Variants in ANKRD44 observed in about 807,000 individuals in gnomAD.
The protein encoded by ANKRD44 is serine/threonine-protein phosphatase 6 regulatory ankyrin repeat subunit B.
Under a neutral mutation model 116.0 loss-of-function variants are expected in ANKRD44, and 35 were observed. That is an observed-to-expected ratio of 0.30 (90% CI 0.23 to 0.40). ANKRD44 has a LOEUF of 0.40. Among genes scored for constraint, ANKRD44 ranks in the 10% least tolerant of loss-of-function variants. The pLI is 1.00. For missense variants in ANKRD44, 1,014 were observed against 1,242.6 expected, an observed-to-expected ratio of 0.82 and a Z score of 2.77; for synonymous variants, 435 against 461.8, an observed-to-expected ratio of 0.94 and a Z score of 0.74.
Position 196,995,415 on chromosome 2 carries a change from T to C in ANKRD44, c.2795A>G (p.Glu932Gly). ...ALLILDKIQD[E>G]SLINEKNNAL... is the part of the protein sequence containing the mutation. The stretch of plus-strand genomic sequence containing the variant: ...ATTATTTTTTTCATTAATAAGGCTC[T>C]CGTCTTGTATCTTGTCAAGTATTAA... The change falls in exon 26 of 28, where the codon GAG (glutamate) becomes GGG (glycine). Residue 932 changes from glutamate to glycine, a missense_variant. Glu to Gly is a moderately conservative substitution (Grantham distance 98). Coordinates refer to ENST00000282272, the MANE Select transcript of ANKRD44 (RefSeq NM_001195144.2). 2 of 1,612,736 alleles carry C rather than the reference T, an allele frequency of 1.2e-6. No individual in the cohort carries two copies. The highest frequency in any genetic ancestry group is 1.7e-6 in the Non-Finnish European group (2 of 1,179,410).
intron 1 of ANKRD44, among the ~76,000 whole-genome samples, chr2:197,297,020 T>C (rs1031172620): frequency 9.8e-5 from 15 of 152,364 alleles, no homozygotes; most frequent in African/African-American, 3.6e-4. Flanking sequence ...AGACACAGTT[T>C]TATATTTCTG....
At chr2:197,034,050 T>TAGAGAGAGAGGG (rs2076759825) in intron 16 of ANKRD44, among the ~76,000 whole-genome samples, 1 of 110,578 alleles carries the variant, frequency 9.0e-6, no homozygotes, top group Admixed American at 1.0e-4. Flanking sequence ...ATATGAGGGC[T>TAGAGAGAGAGGG]AGAGAGAGAG....
chr2:197,250,507 G>T (rs2105655486), intron 1 of ANKRD44, among the ~76,000 whole-genome samples: 1 of 152,348 alleles, frequency 6.6e-6, no homozygotes, highest in Non-Finnish European at 1.5e-5. Context: ...GCAGCTGAAT[G>T]CCTGAATAAA....
chr2:197,037,857 G>A (rs1559010759), intron 16 of ANKRD44, among the ~76,000 whole-genome samples: 1 of 152,092 alleles, frequency 6.6e-6, no homozygotes, highest in African/African-American at 2.4e-5. Context: ...TGGGAGGGTC[G>A]CTTGAGCCCA....
chr2:197,112,660 A>G (rs1298257134), intron 8 of ANKRD44, among the ~76,000 whole-genome samples: 1 of 150,428 alleles, frequency 6.6e-6, no homozygotes, highest in African/African-American at 2.4e-5. Flanking sequence ...GTGAGCCGAA[A>G]TCGTGCCACT....
intron 16 of ANKRD44, among the ~76,000 whole-genome samples, chr2:197,047,874 C>T (rs2077031867): frequency 6.6e-6 from 1 of 151,224 alleles, no homozygotes; most frequent in Non-Finnish European, 1.5e-5. Context: ...TGTGCCATTG[C>T]ACTCTAGCCT....
At chr2:197,147,402 CAGT>C (rs1353714121) in intron 2 of ANKRD44, among the ~76,000 whole-genome samples, 1 of 143,084 alleles carries the variant, frequency 7.0e-6, no homozygotes, top group Non-Finnish European at 1.5e-5. Context: ...TTTCAACTTA[CAGT>C]ATTTCCAAAC....
chr2:197,189,290 T>C (rs1430672210), intron 1 of ANKRD44, among the ~76,000 whole-genome samples: 1 of 152,226 alleles, frequency 6.6e-6, no homozygotes, highest in Admixed American at 6.5e-5. Flanking sequence ...CATATATCTC[T>C]TTTTCTTTCT....
intron 3 of ANKRD44, among the ~76,000 whole-genome samples, chr2:197,138,440 A>T (rs1403599759): frequency 8.4e-6 from 1 of 119,366 alleles, no homozygotes; most frequent in Non-Finnish European, 2.0e-5. Context: ...AGATGTGATT[A>T]AGAACAGCAA....
intron 1 of ANKRD44, among the ~76,000 whole-genome samples, chr2:197,236,713 C>CAA (rs71012964): frequency 0.14 from 14,870 of 104,972 alleles, 945 homozygotes; most frequent in Non-Finnish European, 0.18. Flanking sequence ...ACAAACTACT[C>CAA]AAAAAAAAAA....
chr2:196,997,637 CAG>C (rs1429713344), intron 25 of ANKRD44, among the ~76,000 whole-genome samples: 1 of 151,750 alleles, frequency 6.6e-6, no homozygotes, highest in Non-Finnish European at 1.5e-5. Flanking sequence ...TTAGTAGAGA[CAG>C]GGTTTCTCCA....
intron 21 of ANKRD44, among the ~76,000 whole-genome samples, chr2:197,002,972 C>T (rs1046838422): frequency 6.6e-6 from 1 of 152,032 alleles, no homozygotes; most frequent in Admixed American, 6.6e-5. Context: ...GGCAATATTG[C>T]TTTTAGACAG....
chr2:197,101,409 C>T (rs2078291117), intron 9 of ANKRD44, among the ~76,000 whole-genome samples: 1 of 152,158 alleles, frequency 6.6e-6, no homozygotes, highest in East Asian at 1.9e-4. Context: ...TCTTAGCGCA[C>T]ACAGTTATTC....
intron 16 of ANKRD44, among the ~76,000 whole-genome samples, chr2:197,053,792 C>T (rs1049832422): frequency 6.6e-6 from 1 of 152,162 alleles, no homozygotes. Flanking sequence ...CCACTGATCT[C>T]CTTTAAATAT....
intron 11 of ANKRD44, 108 bp downstream of exon 11, chr2:197,089,842 G>A (rs1188379123): frequency 2.3e-6 from 2 of 862,382 alleles, no homozygotes; most frequent in Non-Finnish European, 1.9e-6. Flanking sequence ...TGACGAGTCA[G>A]GTAATGACAT....
Position 197,005,921 on chromosome 2 carries a change from G to A in ANKRD44, c.2131-11C>T, listed in dbSNP as rs1327799548. 4 of 1,613,292 alleles carry A rather than the reference G, an allele frequency of 2.5e-6. No homozygotes were observed. The South Asian group carries it at 4.4e-5, about 18-fold the overall frequency. Reference sequence around the variant, plus strand: ...GTGTCCTGTCATAATCTGATGCATTGTAATTAAAAACACAAAACAAACCTC... The same window carrying A: ...GTGTCCTGTCATAATCTGATGCATTATAATTAAAAACACAAAACAAACCTC... On this transcript the variant is annotated splice_polypyrimidine_tract_variant and intron_variant, in intron 20 of 27. Coordinates refer to ENST00000282272, the MANE Select transcript of ANKRD44 (RefSeq NM_001195144.2).
chr2:197,188,259 T>A (rs1206751744), intron 1 of ANKRD44, among the ~76,000 whole-genome samples: 4 of 152,282 alleles, frequency 2.6e-5, no homozygotes, highest in African/African-American at 7.2e-5. Flanking sequence ...AAAGAACAGC[T>A]AGCTCCACTT....
At chr2:196,977,819 C>G (rs931970276) in intron 21 of ANKRD44, among the ~76,000 whole-genome samples, 8 of 151,992 alleles carry the variant, frequency 5.3e-5, no homozygotes, top group Non-Finnish European at 1.0e-4. Flanking sequence ...TTACCATTTC[C>G]ACTCCTAGAT....
chr2:197,287,609 G>C (rs1386569065), intron 1 of ANKRD44, among the ~76,000 whole-genome samples: 1 of 152,166 alleles, frequency 6.6e-6, no homozygotes, highest in African/African-American at 2.4e-5. Flanking sequence ...ACATCATTGT[G>C]AAGTTTATAT....
Sources: allele counts gnomAD v4.1 joint callset (sites outside exome capture counted in the v4.1 genomes callset), GRCh38; gene constraint gnomAD v4.1.1; transcripts MANE v1.5; gene names NCBI Gene and HGNC (gene_info 2026-07-23, HGNC 2026-07-21).